Variants in PRKACB observed in about 807,000 individuals in gnomAD.
PRKACB encodes protein kinase cAMP-activated catalytic subunit beta.
A neutral mutation model predicts 51.4 loss-of-function variants in PRKACB; 16 were observed. The ratio of observed to expected loss-of-function variants is 0.31; its 90% confidence interval spans 0.21 to 0.47. PRKACB has a LOEUF of 0.47. PRKACB is among the 20% of genes least tolerant of loss of function. The pLI is 1.00. For synonymous variants in PRKACB, 147 were observed against 154.4 expected, an observed-to-expected ratio of 0.95 and a Z score of 0.35; for missense variants, 309 against 464.5, an observed-to-expected ratio of 0.67 and a Z score of 3.08.
intron 9 of PRKACB, among the ~76,000 whole-genome samples, chr1:84,233,973 G>A (rs1676224420): frequency 1.3e-5 from 2 of 151,604 alleles, no homozygotes; most frequent in South Asian, 2.1e-4. Flanking sequence ...GCGTTCCTTT[G>A]GAGGAGGAGA....
At position 84,165,691 on chromosome 1, in the gene PRKACB, A is replaced by T. The variant is rs568952045; in HGVS notation, c.188-13486A>T. Among the ~76,000 whole-genome samples the T allele has an allele frequency of 2.0e-5, 3 of 151,852 alleles. No homozygotes were observed. In the South Asian group the frequency reaches 6.2e-4, roughly 31 times the overall value. On this transcript the variant is annotated intron_variant, in intron 1 of 9. Coordinates refer to ENST00000370685, the MANE Select transcript of PRKACB (RefSeq NM_182948.4). ...ATTTCCAAAACTGTTTTTTTGAAAA[A>T]ATATACTACAGTATGTACTGCAGTT...
intron 1 of PRKACB, chr1:84,086,051 C>T: frequency 1.0e-6 from 1 of 972,104 alleles, no homozygotes; most frequent in Non-Finnish European, 1.7e-6. Flanking sequence ...GGTGGTCAAG[C>T]AGCATAGGAA....
At chr1:84,123,687 T>C (rs940926833) in intron 1 of PRKACB, among the ~76,000 whole-genome samples, 5 of 152,128 alleles carry the variant, frequency 3.3e-5, no homozygotes, top group African/African-American at 9.7e-5. Flanking sequence ...CTTAACCTCT[T>C]TGTCACTCTG....
At chr1:84,192,546 A>G (rs1168313934) in intron 5 of PRKACB, among the ~76,000 whole-genome samples, 1 of 152,276 alleles carries the variant, frequency 6.6e-6, no homozygotes, top group African/African-American at 2.4e-5. Context: ...TTTTTGGGAA[A>G]AAAGAGTTTA....
intron 1 of PRKACB, among the ~76,000 whole-genome samples, chr1:84,176,289 A>T (rs1661232646): frequency 6.6e-6 from 1 of 151,872 alleles, no homozygotes; most frequent in African/African-American, 2.4e-5. Flanking sequence ...TATTTTATTA[A>T]TTATCTGCCA....
At chr1:84,175,838 A>G (rs777989907) in intron 1 of PRKACB, 29 of 1,490,438 alleles carry the variant, frequency 1.9e-5, no homozygotes, top group African/African-American at 4.2e-5. Context: ...ATGCAATGTG[A>G]TAGACTATTT....
Position 84,104,528 on chromosome 1 carries a change from A to G in PRKACB, c.46+26157A>G, listed in dbSNP as rs550350873. 8.5e-5 allele frequency among the ~76,000 whole-genome samples: 13 copies of G among 152,110 alleles called. No homozygotes were observed. The South Asian group carries it at 1.2e-3, about 15-fold the overall frequency. On this transcript the variant is annotated intron_variant, in intron 1 of 8. Coordinates refer to the PRKACB transcript ENST00000370688. ...TTGGGATTGCTGGATTATATCTTCT[A>G]TTTTTAGTTTTTTGAGGAAGCTTCC...
chr1:84,196,801 A>G lies in PRKACB; in HGVS notation c.687+59A>G, dbSNP rs556595556. On this transcript the variant is annotated intron_variant, in intron 6 of 9. Coordinates refer to ENST00000370685, the MANE Select transcript of PRKACB (RefSeq NM_182948.4). ...GAGAAAATACTAGGCAAGACATTGT[A>G]TGTATGTAACCCCAACTTGGAATTT... The G allele has an allele frequency of 1.8e-3, 2,672 of 1,486,558 alleles. 4 individuals carry two copies. Among genetic ancestry groups the G allele is most frequent in the Non-Finnish European group, 2.2e-3 (2,398 of 1,103,456 alleles). The allele number at this position is 1,486,558 out of a possible 1,614,324, so 92.1% of individuals were successfully genotyped here.
At chr1:84,138,847 G>A (rs186434506) in intron 1 of PRKACB, among the ~76,000 whole-genome samples, 6 of 152,124 alleles carry the variant, frequency 3.9e-5, no homozygotes. Context: ...ACCAAAAGGG[G>A]TTCATTCTGA....
chr1:84,186,628 C>T (rs569639483), intron 5 of PRKACB, among the ~76,000 whole-genome samples: 6 of 152,262 alleles, frequency 3.9e-5, no homozygotes, highest in Non-Finnish European at 7.4e-5. Flanking sequence ...TCAGCTTTCA[C>T]ATTTTTCCCT....
intron 9 of PRKACB, among the ~76,000 whole-genome samples, chr1:84,234,772 C>T (rs1184227535): frequency 1.3e-5 from 2 of 152,246 alleles, no homozygotes; most frequent in Admixed American, 6.5e-5. Flanking sequence ...CCTGCTTCGG[C>T]TCGCACACGG....
At chr1:84,192,591 G>A (rs993463317) in intron 5 of PRKACB, among the ~76,000 whole-genome samples, 5 of 152,138 alleles carry the variant, frequency 3.3e-5, no homozygotes, top group African/African-American at 4.8e-5. Context: ...AATTGTAAAC[G>A]TGGAGGGAAA....
intron 1 of PRKACB, among the ~76,000 whole-genome samples, chr1:84,149,148 C>T (rs370382194): frequency 1.3e-5 from 2 of 151,782 alleles, no homozygotes; most frequent in African/African-American, 2.4e-5. Flanking sequence ...TTTGAAACTA[C>T]AGGAAAAAAC....
intron 8 of PRKACB, among the ~76,000 whole-genome samples, chr1:84,203,793 G>A (rs1210488430): frequency 6.6e-6 from 1 of 151,834 alleles, no homozygotes; most frequent in East Asian, 1.9e-4. Flanking sequence ...TAGAGTTGAG[G>A]TTTTTTTGTT....
intron 1 of PRKACB, among the ~76,000 whole-genome samples, chr1:84,154,264 A>T: frequency 6.6e-6 from 1 of 152,026 alleles, no homozygotes; most frequent in East Asian, 1.9e-4. Context: ...TATATTTTCA[A>T]TATGAACTCC....
At chr1:84,132,506 C>T (rs1411508115) in intron 1 of PRKACB, among the ~76,000 whole-genome samples, 1 of 151,840 alleles carries the variant, frequency 6.6e-6, no homozygotes, top group Non-Finnish European at 1.5e-5. Flanking sequence ...CACCTAAAGG[C>T]AAGAAAAAAC....
At chr1:84,155,014 C>A (rs987477038) in intron 1 of PRKACB, among the ~76,000 whole-genome samples, 1 of 151,944 alleles carries the variant, frequency 6.6e-6, no homozygotes, top group Non-Finnish European at 1.5e-5. Context: ...CAATATGATA[C>A]TGGAAGTCCT....
At chr1:84,105,555 ATTT>A (rs1649673680) in intron 1 of PRKACB, among the ~76,000 whole-genome samples, 2 of 44,028 alleles carry the variant, frequency 4.5e-5, no homozygotes, top group Admixed American at 3.8e-4. Context: ...TTATTTATTT[ATTT>A]ATTTATTTAT....
intron 1 of PRKACB, among the ~76,000 whole-genome samples, chr1:84,144,973 A>G (rs528200722): frequency 6.6e-6 from 1 of 152,280 alleles, no homozygotes; most frequent in African/African-American, 2.4e-5. Flanking sequence ...TGTGTTTGCC[A>G]TGGTTTTATT....
Sources: allele counts gnomAD v4.1 joint callset (sites outside exome capture counted in the v4.1 genomes callset), GRCh38; gene constraint gnomAD v4.1.1; transcripts MANE v1.5; gene names NCBI Gene and HGNC (gene_info 2026-07-23, HGNC 2026-07-21).